The following PAPPA variants were observed in gnomAD, a reference collection of about 807,000 sequenced individuals.
The protein encoded by PAPPA is pappalysin 1, also known as pappalysin-1.
A neutral mutation model predicts 164.0 loss-of-function variants in PAPPA; 60 were observed. That is an observed-to-expected ratio of 0.37 (90% confidence interval 0.30 to 0.45). The LOEUF is 0.45. Ranked by LOEUF, PAPPA falls within the 20% of genes least tolerant of loss-of-function variation. The probability of loss-of-function intolerance (pLI) is 1.00; values close to 1 mark genes in which losing one functional copy is unlikely to be tolerated. For missense variants in PAPPA, 1,782 were observed against 2,087.3 expected (o/e 0.85, Z 2.85); for synonymous variants, 875 against 814.1 (o/e 1.07, Z -1.27).
At chr9:116,182,508 T>C (rs1843918709) in intron 1 of PAPPA, among the ~76,000 whole-genome samples, 1 of 152,102 alleles carries the variant, frequency 6.6e-6, no homozygotes, top group African/African-American at 2.4e-5. Context: ...CTGGGTGGCA[T>C]GGGGTCGTCA....
At chr9:116,348,077 T>C (rs751436875) in intron 15 of PAPPA, among the ~76,000 whole-genome samples, 3 of 152,152 alleles carry the variant, frequency 2.0e-5, no homozygotes, top group Non-Finnish European at 4.4e-5. Context: ...GTTGGGGAAG[T>C]GTGACCTGGC....
chr9:116,288,212 T>C (rs530352176), intron 9 of PAPPA, among the ~76,000 whole-genome samples: 2 of 152,018 alleles, frequency 1.3e-5, no homozygotes, highest in Admixed American at 6.5e-5. Flanking sequence ...CTACTAAAAA[T>C]ACAAAAATTA....
rs1844644536 is a variant in PAPPA at position 116,235,134 on chromosome 9, C to T, written c.2234-5C>T. 1.2e-6 allele frequency: 2 copies of T among 1,614,106 alleles called. No homozygotes were observed. The highest frequency in any genetic ancestry group is 8.5e-7 in the Non-Finnish European group (1 of 1,179,960). On this transcript the variant is annotated splice_region_variant and splice_polypyrimidine_tract_variant and intron_variant, in intron 6 of 21. Transcript: ENST00000328252. The stretch of plus-strand genomic sequence containing the variant: ...AGAACTCATTCCCTCATCTCTTCTG[C>T]ATAGGTCATCCTGATGTTGAACAGC...
chr9:116,174,178 A>G (rs1587938326), intron 1 of PAPPA, among the ~76,000 whole-genome samples: 1 of 152,196 alleles, frequency 6.6e-6, no homozygotes, highest in Non-Finnish European at 1.5e-5. Flanking sequence ...GGCACACAGT[A>G]ATCACTCGGT....
At chr9:116,349,709 G>A (rs577500126) in intron 15 of PAPPA, among the ~76,000 whole-genome samples, 1 of 152,306 alleles carries the variant, frequency 6.6e-6, no homozygotes, top group Non-Finnish European at 1.5e-5. Flanking sequence ...TTGTAGACAG[G>A]CTGGGCAGGA....
In PAPPA at chr9:116,189,699, A is replaced by G. The variant is rs140287470; in HGVS notation, c.1478+1483A>G. On this transcript the variant is annotated intron_variant, in intron 2 of 21. Transcript: ENST00000328252. ...ATATCCACTTTCTTGTTTTTCCCAGATTCACACTGAACTTTTCTATTCTGT... is the reference window on the plus strand; with the variant it reads ...ATATCCACTTTCTTGTTTTTCCCAGGTTCACACTGAACTTTTCTATTCTGT... 2.6e-4 allele frequency among the ~76,000 whole-genome samples: 40 copies of G among 152,324 alleles called. No individual in the cohort carries two copies. The East Asian group carries it at 7.7e-3, about 29-fold the overall frequency.
intron 9 of PAPPA, among the ~76,000 whole-genome samples, chr9:116,293,915 A>T (rs1845469193): frequency 6.6e-6 from 1 of 152,224 alleles, no homozygotes. Flanking sequence ...GCACCATTGC[A>T]CTTCAGCCTG....
At chr9:116,265,783 G>A (rs1466133124) in intron 7 of PAPPA, 74 bp from the exon 8 acceptor site, 2 of 1,248,064 alleles carry the variant, frequency 1.6e-6, no homozygotes, top group Admixed American at 3.9e-5. Context: ...CTACTCCAGG[G>A]GATCAATTTT....
chr9:116,241,526 G>A (rs1411466087), intron 7 of PAPPA, among the ~76,000 whole-genome samples: 1 of 152,106 alleles, frequency 6.6e-6, no homozygotes, highest in Admixed American at 6.5e-5. Flanking sequence ...ATGATCCTTA[G>A]TCCTTGATCA....
intron 4 of PAPPA, among the ~76,000 whole-genome samples, chr9:116,218,962 A>G (rs1286302402): frequency 1.3e-5 from 2 of 152,300 alleles, no homozygotes; most frequent in East Asian, 3.9e-4. Flanking sequence ...GGCAGCATGG[A>G]GTGGGAGATG....
At chr9:116,238,896 A>G (rs1471741064) in intron 7 of PAPPA, among the ~76,000 whole-genome samples, 2 of 152,088 alleles carry the variant, frequency 1.3e-5, no homozygotes, top group African/African-American at 4.8e-5. Flanking sequence ...CCCACCACAA[A>G]TACCTCTTTG....
intron 10 of PAPPA, among the ~76,000 whole-genome samples, chr9:116,330,614 T>C (rs966019322): frequency 2.7e-5 from 4 of 150,610 alleles, no homozygotes; most frequent in Admixed American, 6.7e-5. Context: ...TGTGTGTGCG[T>C]GTGTGTGTAG....
intron 9 of PAPPA, among the ~76,000 whole-genome samples, chr9:116,282,542 G>A (rs2118845844): frequency 6.6e-6 from 1 of 152,096 alleles, no homozygotes; most frequent in South Asian, 2.1e-4. Context: ...AATTCCACTG[G>A]TTAATCACAT....
At chr9:116,168,376 A>G (rs1843738767) in intron 1 of PAPPA, among the ~76,000 whole-genome samples, 1 of 152,226 alleles carries the variant, frequency 6.6e-6, no homozygotes, top group Non-Finnish European at 1.5e-5. Context: ...TCCCAGTCCT[A>G]GTGGTGGAAG....
rs1042213962 is a variant in PAPPA, at chr9:116,362,632, C to G, written c.4388C>G (p.Thr1463Ser). The change falls in exon 18 of 22, where the codon ACC (threonine) becomes AGC (serine). Residue 1463 changes from threonine (T) to serine (S), a missense_variant. Physicochemically the swap from Thr to Ser is moderately conservative, Grantham distance 58 (BLOSUM62 1). This residue lies in a region of PAPPA where 1,324 missense variants were observed against 1,656.9 expected (regional missense o/e 0.80). Transcript: ENST00000328252. The stretch of plus-strand genomic sequence containing the variant: ...GTCATTCATTGCCGGAAAGATGGCA[C>G]CTGGAACGGCTCCTTCCATGTCTGC... ...SNVIHCRKDG[T>S]WNGSFHVCQE... 6.2e-7 allele frequency: 1 copy of G among 1,614,116 alleles called. No individual in the cohort carries two copies. The highest frequency in any genetic ancestry group is 8.5e-7 in the Non-Finnish European group (1 of 1,180,000).
At chr9:116,177,651 A>C (rs1397341520) in intron 1 of PAPPA, among the ~76,000 whole-genome samples, 1 of 152,136 alleles carries the variant, frequency 6.6e-6, no homozygotes, top group Non-Finnish European at 1.5e-5. Context: ...TTTTCTGGCA[A>C]GTGGTATCAT....
At chr9:116,286,975 C>T (rs983281642) in intron 9 of PAPPA, 1 of 152,172 alleles carries the variant, frequency 6.6e-6, no homozygotes, top group African/African-American at 2.4e-5. Context: ...ACAGCTCCAT[C>T]AGGCCCCTGA....
chr9:116,227,636 TA>T, intron 6 of PAPPA, 84 bp downstream of exon 6: 1 of 1,417,470 alleles, frequency 7.1e-7, no homozygotes, highest in Non-Finnish European at 9.5e-7. Flanking sequence ...TTATTATTTT[TA>T]TGGGTCTTTG....
intron 21 of PAPPA, among the ~76,000 whole-genome samples, chr9:116,394,764 G>A (rs1846940130): frequency 6.6e-6 from 1 of 152,168 alleles, no homozygotes; most frequent in Admixed American, 6.5e-5. Flanking sequence ...TTGGAAAAGG[G>A]GACGGTGGAA....
Sources: allele counts gnomAD v4.1 joint callset (sites outside exome capture counted in the v4.1 genomes callset), GRCh38; gene constraint gnomAD v4.1.1; regional missense constraint gnomAD v4.1.1; transcripts MANE v1.5; gene names NCBI Gene and HGNC (gene_info 2026-07-23, HGNC 2026-07-21).